Variants in CACNB2 observed in about 807,000 individuals in gnomAD.
CACNB2 encodes calcium voltage-gated channel auxiliary subunit beta 2, also known as voltage-dependent L-type calcium channel subunit beta-2.
Under a neutral mutation model 73.3 loss-of-function variants are expected in CACNB2, and 42 were observed. That is an observed-to-expected ratio of 0.57 (90% CI 0.45 to 0.74). The LOEUF is 0.74. CACNB2 is among the 30% of genes least tolerant of loss of function. The pLI is 0.00. For missense variants in CACNB2, 940 were observed against 853.0 expected, an observed-to-expected ratio of 1.10 and a Z score of -1.27; for synonymous variants, 348 against 310.3, an observed-to-expected ratio of 1.12 and a Z score of -1.28.
intron 2 of CACNB2, among the ~76,000 whole-genome samples, chr10:18,172,770 C>G (rs571427148): frequency 6.6e-6 from 1 of 152,232 alleles, no homozygotes; most frequent in African/African-American, 2.4e-5. Context: ...GTTTGTCCTG[C>G]ATGTAATGAC....
intron 3 of CACNB2, among the ~76,000 whole-genome samples, chr10:18,466,894 C>A (rs1042629066): frequency 1.3e-4 from 20 of 152,146 alleles, no homozygotes; most frequent in South Asian, 1.0e-3. Context: ...GGTTCTCACA[C>A]CTGTAATCCC....
At chr10:18,352,363 GATAGCACATGTCACC>G (rs1406113530) in intron 2 of CACNB2, among the ~76,000 whole-genome samples, 1 of 152,192 alleles carries the variant, frequency 6.6e-6, no homozygotes, top group Admixed American at 6.5e-5. Context: ...GGGCTATGAA[GATAGCACATGTCACC>G]ACTGTATGAA....
chr10:18,343,804 C>T (rs563676577), intron 2 of CACNB2, among the ~76,000 whole-genome samples: 5 of 152,220 alleles, frequency 3.3e-5, no homozygotes, highest in Admixed American at 1.3e-4. Context: ...CAGCTATCAG[C>T]GGGCTGGGAG....
intron 3 of CACNB2, among the ~76,000 whole-genome samples, chr10:18,414,224 G>A (rs2044803271): frequency 1.3e-5 from 2 of 152,208 alleles, no homozygotes; most frequent in African/African-American, 4.8e-5. Context: ...TTTGAGATGT[G>A]CTTTCTGCCT....
At chr10:18,310,967 G>T (rs1480052743) in intron 2 of CACNB2, among the ~76,000 whole-genome samples, 1 of 152,004 alleles carries the variant, frequency 6.6e-6, no homozygotes, top group African/African-American at 2.4e-5. Context: ...GCTGACCATT[G>T]AATTTTTTTA....
chr10:18,495,439 G>A (rs2049734276), intron 3 of CACNB2, among the ~76,000 whole-genome samples: 2 of 152,056 alleles, frequency 1.3e-5, no homozygotes, highest in Admixed American at 6.6e-5. Flanking sequence ...GGCTGGTCTA[G>A]AACTCCCAAT....
At chr10:18,161,952 T>C (rs1235734471) in intron 2 of CACNB2, among the ~76,000 whole-genome samples, 1 of 152,002 alleles carries the variant, frequency 6.6e-6, no homozygotes, top group East Asian at 1.9e-4. Flanking sequence ...TAAAATAAAA[T>C]GTAAAAAATA....
intron 2 of CACNB2, among the ~76,000 whole-genome samples, chr10:18,321,693 G>A (rs2040403457): frequency 6.6e-6 from 1 of 152,160 alleles, no homozygotes; most frequent in African/African-American, 2.4e-5. Context: ...TTTTTTTAAA[G>A]GAGAGAAGGC....
intron 3 of CACNB2, among the ~76,000 whole-genome samples, chr10:18,444,441 C>T (rs1471870859): frequency 6.6e-6 from 1 of 152,158 alleles, no homozygotes; most frequent in Admixed American, 6.6e-5. Flanking sequence ...ATACAAAGAG[C>T]TTACCATTGC....
chr10:18,172,180 T>G (rs1179678712), intron 2 of CACNB2, among the ~76,000 whole-genome samples: 1 of 152,050 alleles, frequency 6.6e-6, no homozygotes, highest in Non-Finnish European at 1.5e-5. Flanking sequence ...CTGGCCAACA[T>G]GGCAAAACCC....
intron 2 of CACNB2, among the ~76,000 whole-genome samples, chr10:18,392,727 C>A (rs1230873735): frequency 1.3e-5 from 2 of 152,088 alleles, no homozygotes; most frequent in African/African-American, 4.8e-5. Flanking sequence ...GCATGAATTT[C>A]TAGACCAAAA....
In CACNB2 at chr10:18,457,822, G is replaced by A. The variant is rs186735452; in HGVS notation, c.334-40533G>A. Among the ~76,000 whole-genome samples, 448 of 152,168 alleles carry A rather than the reference G, an allele frequency of 2.9e-3. 3 individuals are homozygous for A. The highest frequency in any genetic ancestry group is 4.9e-3 in the Admixed American group (75 of 15,264). On this transcript the variant is annotated intron_variant, in intron 3 of 13. Coordinates refer to ENST00000324631, the MANE Select transcript of CACNB2 (RefSeq NM_201596.3). ...GGAGAATCACTTGAACCCGGGAGGCGGAGGTTGTGGTGAGCCAAGATTGCA... is the reference window on the plus strand; with the variant it reads ...GGAGAATCACTTGAACCCGGGAGGCAGAGGTTGTGGTGAGCCAAGATTGCA...
At chr10:18,406,008 C>T (rs976893284) in intron 3 of CACNB2, among the ~76,000 whole-genome samples, 4 of 152,060 alleles carry the variant, frequency 2.6e-5, no homozygotes, top group Non-Finnish European at 5.9e-5. Context: ...ATCTTCTTAG[C>T]CGAATAGAAT....
intron 10 of CACNB2, among the ~76,000 whole-genome samples, chr10:18,529,043 G>A (rs1050303004): frequency 9.9e-5 from 15 of 152,226 alleles, no homozygotes; most frequent in African/African-American, 3.4e-4. Flanking sequence ...TGTTGCCCAC[G>A]CTGGTCTCCA....
At chr10:18,469,528 C>T (rs2048071017) in intron 3 of CACNB2, among the ~76,000 whole-genome samples, 1 of 152,214 alleles carries the variant, frequency 6.6e-6, no homozygotes, top group Non-Finnish European at 1.5e-5. Flanking sequence ...AGTCCTCTTG[C>T]TTAATTCTAG....
intron 2 of CACNB2, among the ~76,000 whole-genome samples, chr10:18,241,043 G>T (rs1412397524): frequency 6.6e-6 from 1 of 152,182 alleles, no homozygotes; most frequent in Admixed American, 6.5e-5. Context: ...ATGCATACCT[G>T]ATTGCCTCCT....
chr10:18,405,560 G>T (rs2132568925), intron 3 of CACNB2, among the ~76,000 whole-genome samples: 1 of 152,250 alleles, frequency 6.6e-6, no homozygotes, highest in South Asian at 2.1e-4. Flanking sequence ...TTGAAATAAT[G>T]ATTTTCTTCT....
intron 2 of CACNB2, among the ~76,000 whole-genome samples, chr10:18,269,501 C>T (rs2037956303): frequency 6.6e-6 from 1 of 152,156 alleles, no homozygotes; most frequent in Non-Finnish European, 1.5e-5. Context: ...GGTAACATAA[C>T]ATTTGAGGAA....
intron 3 of CACNB2, among the ~76,000 whole-genome samples, chr10:18,446,638 A>C (rs2046749322): frequency 6.6e-6 from 1 of 152,168 alleles, no homozygotes; most frequent in Admixed American, 6.5e-5. Context: ...TGCTCAAGTC[A>C]ACTTGTAATT....
Sources: gnomAD v4.1 joint callset for allele counts (sites outside exome capture counted in the v4.1 genomes callset) on GRCh38, gnomAD v4.1.1 for gene constraint, MANE v1.5 for transcripts, NCBI Gene and HGNC (gene_info 2026-07-23, HGNC 2026-07-21) for gene names.